THSD4: variants seen among roughly 807,000 people sequenced by gnomAD.
The protein encoded by THSD4 is thrombospondin type 1 domain containing 4, also known as thrombospondin type-1 domain-containing protein 4.
In THSD4, 69 loss-of-function variants were observed where a neutral mutation model predicts 119.0. The ratio of observed to expected loss-of-function variants is 0.58; its 90% CI spans 0.48 to 0.71. The LOEUF is 0.71. THSD4 is among the 30% of genes least tolerant of loss of function. THSD4 has a pLI of 0.00. For missense variants in THSD4, 1,393 were observed against 1,391.1 expected (o/e 1.00, Z -0.02); for synonymous variants, 524 against 540.4 (o/e 0.97, Z 0.42).
intron 7 of THSD4, among the ~76,000 whole-genome samples, chr15:71,430,997 C>G (rs903717461): frequency 6.6e-6 from 1 of 152,024 alleles, no homozygotes; most frequent in African/African-American, 2.4e-5. Context: ...AGAACAGATT[C>G]TTACTGAGCT....
chr15:71,772,766 G>C (rs960472787), intron 17 of THSD4, among the ~76,000 whole-genome samples: 1 of 152,144 alleles, frequency 6.6e-6, no homozygotes, highest in Non-Finnish European at 1.5e-5. Flanking sequence ...AGTTAAGTTT[G>C]ATAAAGGGGG....
intron 7 of THSD4, among the ~76,000 whole-genome samples, chr15:71,453,561 A>G (rs867306353): frequency 3.9e-5 from 6 of 152,212 alleles, no homozygotes; most frequent in African/African-American, 1.2e-4. Context: ...CCTGTAAACA[A>G]TTGGTACTTG....
intron 6 of THSD4, among the ~76,000 whole-genome samples, chr15:71,290,800 C>G (rs936470824): frequency 1.3e-5 from 2 of 151,546 alleles, no homozygotes; most frequent in East Asian, 3.9e-4. Flanking sequence ...TCCCTACTGC[C>G]AACTATAATC....
intron 7 of THSD4, among the ~76,000 whole-genome samples, chr15:71,517,271 T>A (rs2048374637): frequency 6.6e-6 from 1 of 152,184 alleles, no homozygotes. Context: ...CTCTCAGGGC[T>A]GTCTCTTCTT....
At position 71,410,242 on chromosome 15, in the gene THSD4, T is replaced by G. The variant is rs577834835; in HGVS notation, c.1016-1445T>G. Among the ~76,000 whole-genome samples the G allele has an allele frequency of 2.0e-5, 3 of 152,336 alleles. No individual in the cohort carries two copies. The East Asian group carries it at 5.8e-4, about 29-fold the overall frequency. ...ATTTACTATGCGCCAAGCTCTGTGC[T>G]GGGTTCCTGGGATACAAAAGTGAAT... is the stretch of plus-strand genomic sequence containing the variant. On this transcript the variant is annotated intron_variant, in intron 6 of 17. Transcript: ENST00000261862.
At chr15:71,153,000 C>G (rs1384242462) in intron 2 of THSD4, among the ~76,000 whole-genome samples, 1 of 152,162 alleles carries the variant, frequency 6.6e-6, no homozygotes, top group Non-Finnish European at 1.5e-5. Flanking sequence ...ATAACATCTC[C>G]TGCCCCTCCA....
intron 7 of THSD4, among the ~76,000 whole-genome samples, chr15:71,450,211 TGCG>T (rs2047242775): frequency 6.6e-6 from 1 of 152,234 alleles, no homozygotes; most frequent in South Asian, 2.1e-4. Context: ...ATTGGGTGGC[TGCG>T]TGTCCATATG....
chr15:71,608,235 A>ATAT (rs1198640794), intron 7 of THSD4, among the ~76,000 whole-genome samples: 5 of 51,006 alleles, frequency 9.8e-5, no homozygotes, highest in East Asian at 1.3e-3. Flanking sequence ...AAAAAAAAAA[A>ATAT]AAATATATAT....
At chr15:71,122,071 C>A (rs1214571226) in intron 1 of THSD4, among the ~76,000 whole-genome samples, 1 of 152,002 alleles carries the variant, frequency 6.6e-6, no homozygotes, top group Non-Finnish European at 1.5e-5. Flanking sequence ...CCTTTAGTTC[C>A]ATTTAGTTTC....
intron 6 of THSD4, among the ~76,000 whole-genome samples, chr15:71,333,458 T>C (rs1197415287): frequency 6.6e-6 from 1 of 152,208 alleles, no homozygotes. Flanking sequence ...TCTTAGACTT[T>C]AGCTTTCTCA....
At position 71,495,339 on chromosome 15, in the gene THSD4, G is replaced by A. The variant is rs142600831; in HGVS notation, c.1152+83516G>A. 1.1e-3 allele frequency among the ~76,000 whole-genome samples: 163 copies of A among 152,214 alleles called. 1 individual carries two copies. Among genetic ancestry groups the A allele is most frequent in the African/African-American group, 3.8e-3 (158 of 41,520 alleles). On this transcript the variant is annotated intron_variant, in intron 7 of 17. Transcript: ENST00000261862. ...TCCCTTTAACCAGAGAAGAAAGCCC[G>A]CAAGTAGACAGTGGCCCCTCTCAGA...
chr15:71,368,765 T>C (rs1279637370), intron 6 of THSD4, among the ~76,000 whole-genome samples: 3 of 152,154 alleles, frequency 2.0e-5, no homozygotes, highest in African/African-American at 7.2e-5. Context: ...CTTGGCTATG[T>C]GCGCTCTTTT....
chr15:71,608,722 C>T (rs1312475399), intron 7 of THSD4, among the ~76,000 whole-genome samples: 1 of 152,176 alleles, frequency 6.6e-6, no homozygotes, highest in African/African-American at 2.4e-5. Flanking sequence ...CTTCTAATCT[C>T]TGTTTCTACT....
intron 7 of THSD4, among the ~76,000 whole-genome samples, chr15:71,658,660 G>A (rs1212147709): frequency 6.6e-6 from 1 of 152,166 alleles, no homozygotes; most frequent in Non-Finnish European, 1.5e-5. Flanking sequence ...AATCACACAT[G>A]GAAAACATAT....
intron 3 of THSD4, among the ~76,000 whole-genome samples, chr15:71,207,424 G>A (rs1453305673): frequency 2.6e-5 from 4 of 152,248 alleles, no homozygotes; most frequent in African/African-American, 9.6e-5. Context: ...GCCTTTGCTC[G>A]TTCCAGGAGC....
intron 8 of THSD4, among the ~76,000 whole-genome samples, chr15:71,689,615 C>G (rs1245927388): frequency 6.6e-6 from 1 of 152,220 alleles, no homozygotes; most frequent in East Asian, 1.9e-4. Flanking sequence ...AGAAAAAGAC[C>G]TACACCATCC....
Position 71,420,797 on chromosome 15 carries a change from G to A in THSD4, c.1152+8974G>A, listed in dbSNP as rs111833640. On this transcript the variant is annotated intron_variant, in intron 7 of 17. Transcript: ENST00000261862. ...TCATCTCCTTGCTTTTTAACATTTT[G>A]TTGTTTCTATTTATATCTTATTGTA... is the stretch of plus-strand genomic sequence containing the variant. 1.0e-4 allele frequency among the ~76,000 whole-genome samples: 11 copies of A among 106,686 alleles called. 3 individuals carry two copies. Among genetic ancestry groups the A allele is most frequent in the African/African-American group, 3.5e-4 (11 of 31,332 alleles). The allele number at this position is 106,686 out of a possible 152,430, so 70.0% of individuals were successfully genotyped here. A position where few individuals can be genotyped will look rare whatever the true frequency, so the allele number is the denominator to read the frequency against.
intron 7 of THSD4, among the ~76,000 whole-genome samples, chr15:71,549,415 G>T (rs1166729884): frequency 6.6e-6 from 1 of 152,098 alleles, no homozygotes; most frequent in Non-Finnish European, 1.5e-5. Flanking sequence ...CAGAACGCCT[G>T]AGCTCCTAGG....
intron 8 of THSD4, among the ~76,000 whole-genome samples, chr15:71,715,727 G>T (rs560750705): frequency 1.3e-5 from 2 of 150,970 alleles, no homozygotes; most frequent in Admixed American, 6.6e-5. Flanking sequence ...CGACGTCATC[G>T]CAATTTAGTC....
Sources: gnomAD v4.1 joint callset for allele counts (sites outside exome capture counted in the v4.1 genomes callset) on GRCh38, gnomAD v4.1.1 for gene constraint, MANE v1.5 for transcripts, NCBI Gene and HGNC (gene_info 2026-07-23, HGNC 2026-07-21) for gene names.